Variants in SGCZ observed in about 807,000 individuals in gnomAD.
The protein encoded by SGCZ is zeta-sarcoglycan.
Under a neutral mutation model 41.3 loss-of-function variants are expected in SGCZ, and 40 were observed. The observed-to-expected ratio is 0.97, with a 90% confidence interval of 0.75 to 1.26. The LOEUF is 1.26. Among genes scored for constraint, SGCZ ranks in the 50% most tolerant of loss-of-function variants. The pLI is 0.00. For missense variants in SGCZ, 552 were observed against 369.8 expected, an observed-to-expected ratio of 1.49 and a Z score of -4.04; for synonymous variants, 206 against 137.5, an observed-to-expected ratio of 1.50 and a Z score of -3.49.
chr8:14,937,759 TC>T, intron 1 of SGCZ, among the ~76,000 whole-genome samples: 1 of 152,244 alleles, frequency 6.6e-6, no homozygotes, highest in Non-Finnish European at 1.5e-5. Flanking sequence ...CATATTTTTT[TC>T]TCAGTTTTGT....
chr8:14,400,510 C>A (rs1260962612), intron 2 of SGCZ, among the ~76,000 whole-genome samples: 2 of 152,060 alleles, frequency 1.3e-5, no homozygotes, highest in Non-Finnish European at 2.9e-5. Context: ...GCCTAAGGGT[C>A]AAATTGTTGG....
chr8:14,389,653 C>G (rs528622588), intron 2 of SGCZ, among the ~76,000 whole-genome samples: 8 of 151,846 alleles, frequency 5.3e-5, no homozygotes, highest in South Asian at 2.1e-4. Context: ...AAAATTAGTA[C>G]TTAAGAATAT....
chr8:14,329,429 T>C (rs1802237025), intron 2 of SGCZ, among the ~76,000 whole-genome samples: 1 of 152,214 alleles, frequency 6.6e-6, no homozygotes, highest in African/African-American at 2.4e-5. Context: ...AAAAAGTAGA[T>C]TGTCTAATCA....
chr8:14,637,355 G>A (rs1035756616), intron 1 of SGCZ, among the ~76,000 whole-genome samples: 13 of 150,102 alleles, frequency 8.7e-5, no homozygotes, highest in African/African-American at 3.2e-4. Context: ...CGGAGTACAC[G>A]TGCAGGTTTG....
chr8:14,665,588 C>A (rs1169772104), intron 1 of SGCZ, among the ~76,000 whole-genome samples: 4 of 152,202 alleles, frequency 2.6e-5, no homozygotes, highest in Non-Finnish European at 4.4e-5. Context: ...TGCAACAGAA[C>A]AAGTGTTCAA....
chr8:14,298,684 T>G (rs1388889898), intron 3 of SGCZ, among the ~76,000 whole-genome samples: 1 of 152,040 alleles, frequency 6.6e-6, no homozygotes, highest in African/African-American at 2.4e-5. Context: ...AAGGAATTAT[T>G]GAAGCCTAAT....
At chr8:14,262,569 C>G (rs923159235) in intron 3 of SGCZ, among the ~76,000 whole-genome samples, 2 of 151,750 alleles carry the variant, frequency 1.3e-5, no homozygotes, top group Non-Finnish European at 2.9e-5. Context: ...AAAAATTATT[C>G]TAATTTCCAT....
intron 1 of SGCZ, among the ~76,000 whole-genome samples, chr8:15,219,298 A>T (rs1334982150): frequency 6.6e-6 from 1 of 152,188 alleles, no homozygotes; most frequent in Non-Finnish European, 1.5e-5. Flanking sequence ...ATATACATAT[A>T]AGTATGTGAT....
At chr8:14,369,022 TGTG>T (rs1057119587) in intron 2 of SGCZ, among the ~76,000 whole-genome samples, 10 of 49,404 alleles carry the variant, frequency 2.0e-4, no homozygotes, top group African/African-American at 1.4e-3. Context: ...CAAATGTAAA[TGTG>T]TGTGTGTGTG....
At chr8:14,443,187 C>T (rs1408336894) in intron 2 of SGCZ, among the ~76,000 whole-genome samples, 1 of 152,158 alleles carries the variant, frequency 6.6e-6, no homozygotes, top group Non-Finnish European at 1.5e-5. Context: ...AAGAATATTC[C>T]ATGCTCATGG....
chr8:15,175,250 T>C (rs1194222290), intron 1 of SGCZ, among the ~76,000 whole-genome samples: 1 of 152,090 alleles, frequency 6.6e-6, no homozygotes, highest in African/African-American at 2.4e-5. Context: ...ACTGCAGCAC[T>C]ATTCACAATA....
At chr8:15,144,395 G>A (rs1798976908) in intron 1 of SGCZ, among the ~76,000 whole-genome samples, 1 of 151,008 alleles carries the variant, frequency 6.6e-6, no homozygotes, top group Non-Finnish European at 1.5e-5. Context: ...ACGTTTCCTA[G>A]TTTAATGAAG....
At chr8:14,218,240 T>C (rs1231119452) in intron 4 of SGCZ, among the ~76,000 whole-genome samples, 1 of 152,218 alleles carries the variant, frequency 6.6e-6, no homozygotes. Flanking sequence ...AATGTATGTG[T>C]ATTTCTAACA....
At chr8:15,181,980 G>A (rs940104633) in intron 1 of SGCZ, among the ~76,000 whole-genome samples, 3 of 152,030 alleles carry the variant, frequency 2.0e-5, no homozygotes, top group East Asian at 1.9e-4. Flanking sequence ...GTCCTCAAAC[G>A]ATGGTGGGTA....
chr8:14,089,992 A>G lies in SGCZ; in HGVS notation c.*451T>C, dbSNP rs983919802. 6.5e-6 allele frequency: 1 copy of G among 152,958 alleles called. No homozygotes were observed. The highest frequency in any genetic ancestry group is 2.4e-5 in the African/African-American group (1 of 41,468). 9.5% of individuals were successfully genotyped at this position (152,958 alleles called of 1,614,324 possible). A position where few individuals can be genotyped will look rare whatever the true frequency, so the allele number is the denominator to read the frequency against. ...TTAAAAGTCGGGGATAAAAGTTTAC[A>G]TCCAAAAAGATGAATGGAAAATTGT... is the stretch of plus-strand genomic sequence containing the variant. On this transcript the variant is annotated 3_prime_UTR_variant, in exon 8 of 8. Transcript: ENST00000382080.
chr8:14,980,627 G>C (rs527939339), intron 1 of SGCZ, among the ~76,000 whole-genome samples: 1 of 152,306 alleles, frequency 6.6e-6, no homozygotes, highest in African/African-American at 2.4e-5. Context: ...GGCAAAGAGA[G>C]AGAATGAGGA....
At chr8:14,453,463 A>G (rs1800656403) in intron 2 of SGCZ, among the ~76,000 whole-genome samples, 1 of 152,166 alleles carries the variant, frequency 6.6e-6, no homozygotes, top group African/African-American at 2.4e-5. Flanking sequence ...TAAGTGTCTC[A>G]TAACACATTA....
chr8:14,551,569 A>T (rs1226430800), intron 2 of SGCZ, among the ~76,000 whole-genome samples: 25 of 18,398 alleles, frequency 1.4e-3, no homozygotes, highest in African/African-American at 4.9e-3. Flanking sequence ...TTATATATAT[A>T]ATATATATAT....
At chr8:14,937,658 T>C (rs1215964604) in intron 1 of SGCZ, among the ~76,000 whole-genome samples, 2 of 152,172 alleles carry the variant, frequency 1.3e-5, no homozygotes, top group African/African-American at 4.8e-5. Flanking sequence ...ATCTCTTTCA[T>C]TACAATAGAA....
Sources: gnomAD v4.1 joint callset for allele counts (sites outside exome capture counted in the v4.1 genomes callset) on GRCh38, gnomAD v4.1.1 for gene constraint, MANE v1.5 for transcripts, NCBI Gene and HGNC (gene_info 2026-07-23, HGNC 2026-07-21) for gene names.